Variants in MGLL observed in about 807,000 individuals in gnomAD.
The protein encoded by MGLL is lysophospholipase homolog.
Under a neutral mutation model 29.1 loss-of-function variants are expected in MGLL, and 7 were observed. The observed-to-expected ratio is 0.24, with a 90% CI of 0.14 to 0.45. The LOEUF (loss-of-function observed/expected upper bound fraction) is 0.45. Among genes scored for constraint, MGLL ranks in the 20% least tolerant of loss-of-function variants. MGLL has a pLI of 0.99. For synonymous variants in MGLL, 148 were observed against 168.3 expected, an observed-to-expected ratio of 0.88 and a Z score of 0.93; for missense variants, 356 against 413.6, an observed-to-expected ratio of 0.86 and a Z score of 1.21.
intron 3 of MGLL, among the ~76,000 whole-genome samples, chr3:127,748,535 A>G (rs2076497109): frequency 6.6e-6 from 1 of 151,958 alleles, no homozygotes; most frequent in Non-Finnish European, 1.5e-5. Context: ...GAATGGATAC[A>G]AGGTCTTTGC....
chr3:127,784,283 G>C (rs532078768), intron 2 of MGLL, among the ~76,000 whole-genome samples: 1 of 152,186 alleles, frequency 6.6e-6, no homozygotes, highest in African/African-American at 2.4e-5. Context: ...ACTCCCAGGG[G>C]ACCTCTGGGT....
chr3:127,820,055 C>G (rs1470501901), intron 2 of MGLL, among the ~76,000 whole-genome samples: 1 of 152,186 alleles, frequency 6.6e-6, no homozygotes, highest in African/African-American at 2.4e-5. Context: ...GTTGCTCTTT[C>G]TATTTCAGTG....
At chr3:127,693,927 G>A (rs371031616) in intron 7 of MGLL, among the ~76,000 whole-genome samples, 4 of 152,158 alleles carry the variant, frequency 2.6e-5, no homozygotes, top group South Asian at 4.1e-4. Flanking sequence ...GTGTAAGGGC[G>A]GTCTCAGTGA....
At chr3:127,780,702 G>A (rs552259582) in intron 3 of MGLL, among the ~76,000 whole-genome samples, 37 of 152,298 alleles carry the variant, frequency 2.4e-4, no homozygotes, top group African/African-American at 6.0e-4. Context: ...CAGCTTCTCC[G>A]TACAGATAAG....
At chr3:127,724,220 C>G (rs932800951) in intron 3 of MGLL, among the ~76,000 whole-genome samples, 3 of 152,196 alleles carry the variant, frequency 2.0e-5, no homozygotes, top group African/African-American at 7.2e-5. Flanking sequence ...TTCTTACTCT[C>G]TCTTCCCCCA....
At chr3:127,817,504 C>T (rs1021862645) in intron 2 of MGLL, among the ~76,000 whole-genome samples, 3 of 152,192 alleles carry the variant, frequency 2.0e-5, no homozygotes, top group South Asian at 2.1e-4. Context: ...TGTGTCCACT[C>T]GGTAACCCTC....
intron 3 of MGLL, among the ~76,000 whole-genome samples, chr3:127,774,948 T>C (rs1482113731): frequency 4.8e-5 from 5 of 104,640 alleles, no homozygotes; most frequent in Middle Eastern, 4.4e-3. Context: ...CTGAGCCACA[T>C]GGAGGTTTTT....
intron 5 of MGLL, among the ~76,000 whole-genome samples, chr3:127,719,572 T>C (rs866629230): frequency 6.6e-6 from 1 of 152,146 alleles, no homozygotes; most frequent in East Asian, 1.9e-4. Context: ...ATATAGCAAA[T>C]CCCATGGAAC....
chr3:127,730,416 C>T (rs1465370349), intron 3 of MGLL, among the ~76,000 whole-genome samples: 1 of 152,236 alleles, frequency 6.6e-6, no homozygotes, highest in Non-Finnish European at 1.5e-5. Context: ...GCACACCCAC[C>T]TGCCCACGGT....
chr3:127,772,211 G>T (rs9852837), intron 3 of MGLL, among the ~76,000 whole-genome samples: 2 of 152,132 alleles, frequency 1.3e-5, no homozygotes, highest in South Asian at 4.2e-4. Context: ...TGCCAAGGCC[G>T]CACAGGTAGT....
intron 2 of MGLL, among the ~76,000 whole-genome samples, chr3:127,810,252 A>G (rs1160653549): frequency 1.3e-5 from 2 of 151,826 alleles, no homozygotes; most frequent in African/African-American, 4.8e-5. Flanking sequence ...CAAAACTGCA[A>G]GAAAATTAAT....
intron 3 of MGLL, among the ~76,000 whole-genome samples, chr3:127,776,368 G>A (rs1487583382): frequency 1.3e-5 from 2 of 152,030 alleles, no homozygotes; most frequent in African/African-American, 4.8e-5. Context: ...CAGGATCTCT[G>A]AGGGGTGGGG....
intron 3 of MGLL, among the ~76,000 whole-genome samples, chr3:127,754,213 C>A (rs555096410): frequency 6.6e-5 from 10 of 152,310 alleles, no homozygotes; most frequent in Non-Finnish European, 1.5e-4. Context: ...TCACGACCCG[C>A]CAGGCACTGC....
intron 2 of MGLL, among the ~76,000 whole-genome samples, chr3:127,807,750 C>G (rs58951229): frequency 1.7e-5 from 1 of 59,464 alleles, no homozygotes; most frequent in Non-Finnish European, 2.9e-5. Flanking sequence ...TGTGAAAAGT[C>G]TTTTTTTTTT....
intron 2 of MGLL, among the ~76,000 whole-genome samples, chr3:127,816,585 A>AG (rs894990602): frequency 1.3e-5 from 2 of 152,176 alleles, no homozygotes; most frequent in African/African-American, 4.8e-5. Context: ...GGACGCAAGA[A>AG]GGGGGGATGT....
chr3:127,697,666 T>C (rs1229570829), intron 6 of MGLL, among the ~76,000 whole-genome samples: 2 of 152,220 alleles, frequency 1.3e-5, no homozygotes. Flanking sequence ...AGGGGCTGTG[T>C]GCACATTCTG....
intron 3 of MGLL, among the ~76,000 whole-genome samples, chr3:127,724,967 C>T (rs1330755432): frequency 1.3e-5 from 2 of 152,142 alleles, no homozygotes; most frequent in East Asian, 1.9e-4. Flanking sequence ...CCAGCCTGCT[C>T]CCTGTGCCAG....
chr3:127,708,717 T>C (rs2075651959), intron 6 of MGLL, among the ~76,000 whole-genome samples: 1 of 152,214 alleles, frequency 6.6e-6, no homozygotes, highest in African/African-American at 2.4e-5. Flanking sequence ...GCACTGCCGC[T>C]ACAAAGATCA....
chr3:127,730,146 T>C (rs2076122549), intron 3 of MGLL, among the ~76,000 whole-genome samples: 1 of 152,216 alleles, frequency 6.6e-6, no homozygotes, highest in Admixed American at 6.5e-5. Context: ...GATTTCTGCA[T>C]CCAGTCTCCT....
Sources: allele counts gnomAD v4.1 joint callset (sites outside exome capture counted in the v4.1 genomes callset), GRCh38; gene constraint gnomAD v4.1.1; transcripts MANE v1.5; gene names NCBI Gene and HGNC (gene_info 2026-07-23, HGNC 2026-07-21).